FTSJ3: variants seen among roughly 807,000 people sequenced by gnomAD.
FTSJ3 encodes the protein pre-rRNA 2'-O-ribose RNA methyltransferase FTSJ3.
In FTSJ3, 46 loss-of-function variants were observed where a neutral mutation model predicts 111.5. That is an observed-to-expected ratio of 0.41 (90% CI 0.33 to 0.53). The LOEUF is 0.53. Among genes scored for constraint, FTSJ3 ranks in the 20% least tolerant of loss-of-function variants. The pLI is 0.19. For missense variants in FTSJ3, 1,075 were observed against 1,063.8 expected (o/e 1.01, Z -0.15); for synonymous variants, 408 against 383.0 (o/e 1.07, Z -0.76).
chr17:63,819,913 C>T lies in FTSJ3; in HGVS notation c.2433G>A (p.Val811=). Residue 811 remains valine (V), a synonymous_variant, in exon 21 of 21, where the codon GTG becomes GTA. Transcript: ENST00000427159. ...VVAKKGVGRK[V]RRPAGVRGHF... ...GACCTCTGACTCCAGCTGGCCGGCG[C>T]ACTTTGCGGCCCACACCTTTTTTGG... The T allele has an allele frequency of 6.2e-7, 1 of 1,614,168 alleles. No individual in the cohort carries two copies. The highest frequency in any genetic ancestry group is 8.5e-7 in the Non-Finnish European group (1 of 1,180,024).
chr17:63,821,618 T>G lies in FTSJ3; in HGVS notation c.1622A>C (p.Asp541Ala). The G allele has an allele frequency of 6.2e-7, 1 of 1,613,240 alleles. No homozygotes were observed. The highest frequency in any genetic ancestry group is 8.5e-7 in the Non-Finnish European group (1 of 1,179,218). Residue 541 changes from aspartate to alanine, a missense_variant, in exon 16 of 21, where the codon GAT (aspartate) becomes GCT (alanine). Asp to Ala is a moderately radical substitution (Grantham distance 126, BLOSUM62 -2). Coordinates refer to ENST00000427159, the MANE Select transcript of FTSJ3 (RefSeq NM_017647.4). ...ACTGATCTCCAGGGCCTCATCGGCA[T>G]CGTCCTCGATCCCAGCAAAGCTGCC... ...SKGSFAGIEDDADEALEISQA... is the reference protein window; with the variant it reads ...SKGSFAGIEDAADEALEISQA...
rs751496618 is a variant in FTSJ3, at chr17:63,819,954, C to T, written c.2392G>A (p.Val798Ile). ...KAGLGKEKRH[V>I]TYVVAKKGVG... Reference sequence around the variant, plus strand: ...CCTTTTTTGGCTACAACGTAGGTGACATGGCGTTTCTCCTTGCCAAGCCCA... The same window carrying T: ...CCTTTTTTGGCTACAACGTAGGTGATATGGCGTTTCTCCTTGCCAAGCCCA... Residue 798 changes from valine (V) to isoleucine (I), a missense_variant, in exon 21 of 21, where the codon GTC (valine) becomes ATC (isoleucine). Around this residue, in one of 2 missense-constraint regions of FTSJ3, gnomAD observed 867 missense variants for 796.9 expected, o/e 1.09. Transcript: ENST00000427159. 1 of 1,614,090 alleles carries T rather than the reference C, an allele frequency of 6.2e-7. No homozygotes were observed.
In FTSJ3 at chr17:63,823,839, AAGG is replaced by A; in HGVS notation, c.1265_1267del (p.Ser422del). On this transcript the variant is annotated inframe_deletion, in exon 13 of 21. Transcript: ENST00000427159. ...CACCTGGTGACCCCGGATGGTGCTCAAGGAGAACATGCCAGTCTCCCCCTCGTC... is the reference window on the plus strand; with the variant it reads ...CACCTGGTGACCCCGGATGGTGCTCAAGAACATGCCAGTCTCCCCCTCGTC... The A allele has an allele frequency of 6.2e-7, 1 of 1,614,060 alleles. No individual in the cohort carries two copies. Among genetic ancestry groups the A allele is most frequent in the Non-Finnish European group, 8.5e-7 (1 of 1,179,980 alleles).
Position 63,823,834 on chromosome 17 carries a change from T to C in FTSJ3, c.1273A>G (p.Thr425Ala), listed in dbSNP as rs922710640. The change falls in exon 13 of 21, where the codon ACC (threonine) becomes GCC (alanine). Residue 425 changes from threonine to alanine, a missense_variant. Physicochemically the swap from Thr to Ala is moderately conservative, Grantham distance 58. Coordinates refer to ENST00000427159, the MANE Select transcript of FTSJ3 (RefSeq NM_017647.4). ...EGETGMFSLS[T>A]IRGHQLLEEV... ...CGCCTCACCTGGTGACCCCGGATGG[T>C]GCTCAAGGAGAACATGCCAGTCTCC... is the stretch of plus-strand genomic sequence containing the variant. The C allele has an allele frequency of 2.5e-6, 4 of 1,613,890 alleles. No homozygotes were observed. The African/African-American group carries it at 4.0e-5, about 16-fold the overall frequency.
rs534866782 is a variant in FTSJ3, at chr17:63,819,472, G to C, written c.*330C>G. The C allele has an allele frequency of 2.3e-5, 6 of 259,360 alleles. No individual in the cohort carries two copies. The highest frequency in any genetic ancestry group is 8.7e-5 in the African/African-American group (4 of 45,784). The allele number at this position is 259,360 out of a possible 1,614,324, so 16.1% of individuals were successfully genotyped here. On this transcript the variant is annotated 3_prime_UTR_variant, in exon 21 of 21. Coordinates refer to ENST00000427159, the MANE Select transcript of FTSJ3 (RefSeq NM_017647.4). ...TTTTATTCAGGAATAGGATGGGGGT[G>C]GGGAGGGCTTAAGTGGCCCACACGT... is the stretch of plus-strand genomic sequence containing the variant.
rs766730778 is a variant in FTSJ3, at chr17:63,821,367, C to T, written c.1873G>A (p.Glu625Lys). Reference protein sequence around the residue: ...ISDSDSSTSSEEEESWEPLRG... With the variant: ...ISDSDSSTSSKEEESWEPLRG... ...GCAACTACTCACCTCTCTTCTTCCT[C>T]ACTGCTAGTACTGCTATCACTGTCT... Residue 625 changes from glutamate (E) to lysine (K), a missense_variant, in exon 16 of 21, where the codon GAG becomes AAG. Physicochemically the swap from Glu to Lys is moderately conservative, Grantham distance 56 (BLOSUM62 1). This residue lies in a region of FTSJ3 where 867 missense variants were observed against 796.9 expected (regional missense o/e 1.09). Transcript: ENST00000427159. 6.2e-7 allele frequency: 1 copy of T among 1,606,586 alleles called. No homozygotes were observed. The highest frequency in any genetic ancestry group is 8.5e-7 in the Non-Finnish European group (1 of 1,175,986).
Position 63,820,868 on chromosome 17 carries a change from C to G in FTSJ3, c.2043G>C (p.Lys681Asn). Residue 681 changes from lysine (K) to asparagine (N), a missense_variant, in exon 18 of 21, where the codon AAG becomes AAC. Transcript: ENST00000427159. The stretch of plus-strand genomic sequence containing the variant: ...TGAAGGAGTTATCTATGAGGTCTCT[C>G]TTGGCCTTTTTGGAAGAGGCAATAA... ...GAVIASSKKA[K>N]RDLIDNSFNR... The G allele has an allele frequency of 6.2e-7, 1 of 1,614,064 alleles. No individual in the cohort carries two copies. Among genetic ancestry groups the G allele is most frequent in the African/African-American group, 1.3e-5 (1 of 75,028 alleles).
In FTSJ3 at chr17:63,824,748, G is replaced by C; in HGVS notation, c.817-11C>G. The C allele has an allele frequency of 6.2e-7, 1 of 1,611,570 alleles. No individual in the cohort carries two copies. ...ATCATCTACCATGATCTGTTTGGGA[G>C]GATGGAAAGGTGTCAGGGGAGATCC... On this transcript the variant is annotated splice_polypyrimidine_tract_variant and intron_variant, in intron 9 of 20. Coordinates refer to ENST00000427159, the MANE Select transcript of FTSJ3 (RefSeq NM_017647.4).
rs1464014883 is a variant in FTSJ3 at position 63,821,473 on chromosome 17, A to G, written c.1767T>C (p.Asp589=). ...AAGCCTCTGTTCCCTTAGGGGCTTC[A>G]TCTTGGTACAGGGGAGACATTATCT... ...KTEIMSPLYQ[D]EAPKGTEASS... is the part of the protein sequence containing the mutation. The change falls in exon 16 of 21, where the codon GAT becomes GAC. Residue 589 remains aspartate, a synonymous_variant. Coordinates refer to ENST00000427159, the MANE Select transcript of FTSJ3 (RefSeq NM_017647.4). 3.1e-6 allele frequency: 5 copies of G among 1,614,078 alleles called. No homozygotes were observed. Among genetic ancestry groups the G allele is most frequent in the Admixed American group, 1.7e-5 (1 of 60,002 alleles).
Position 63,827,521 on chromosome 17 carries a change from C to G in FTSJ3, c.-496G>C, listed in dbSNP as rs868816249. On this transcript the variant is annotated 5_prime_UTR_variant, in exon 1 of 21. Coordinates refer to ENST00000427159, the MANE Select transcript of FTSJ3 (RefSeq NM_017647.4). ...GCTTGACGGACCAGAGCAGGTATGG[C>G]GGGTGCAGTGGCGGCCCGGCAGGTT... 21 of 1,551,546 alleles carry G rather than the reference C, an allele frequency of 1.4e-5. No individual in the cohort carries two copies. Among genetic ancestry groups the G allele is most frequent in the Non-Finnish European group, 1.7e-5 (19 of 1,147,002 alleles).
Position 63,824,880 on chromosome 17 carries a change from A to C in FTSJ3, c.761T>G (p.Val254Gly). The part of the protein sequence containing the change: ...GDLTLYHRTS[V>G]TDFLRAANPV... Reference sequence around the variant, plus strand: ...GTTGGCAGCTCGGAGGAAGTCAGTGACTGAGGTACGGTGATAGAGAGTGAG... The same window carrying C: ...GTTGGCAGCTCGGAGGAAGTCAGTGCCTGAGGTACGGTGATAGAGAGTGAG... The change falls in exon 9 of 21, where the codon GTC becomes GGC. Residue 254 changes from valine to glycine, a missense_variant. By Grantham distance (109) the Val-to-Gly change is moderately radical (BLOSUM62 -3). This residue lies in a region of FTSJ3 where 867 missense variants were observed against 796.9 expected (regional missense o/e 1.09). Transcript: ENST00000427159. 1 of 1,598,984 alleles carries C rather than the reference A, an allele frequency of 6.3e-7. No homozygotes were observed. The highest frequency in any genetic ancestry group is 8.5e-7 in the Non-Finnish European group (1 of 1,171,774).
In FTSJ3 at chr17:63,819,849, T is replaced by C; in HGVS notation, c.2497A>G (p.Arg833Gly). ...VVDSRMKKDQRAQQRKEQKKK... is the reference protein window; with the variant it reads ...VVDSRMKKDQGAQQRKEQKKK... Reference sequence around the variant, plus strand: ...TTTTGTTCCTTACGTTGCTGTGCTCTTTGGTCCTTCTTCATCCTTGAGTCC... The same window carrying C: ...TTTTGTTCCTTACGTTGCTGTGCTCCTTGGTCCTTCTTCATCCTTGAGTCC... Residue 833 changes from arginine to glycine, a missense_variant, in exon 21 of 21, where the codon AGA (arginine) becomes GGA (glycine). Arg to Gly is a moderately radical substitution (Grantham distance 125, BLOSUM62 -2). Coordinates refer to ENST00000427159, the MANE Select transcript of FTSJ3 (RefSeq NM_017647.4). 6.2e-7 allele frequency: 1 copy of C among 1,614,206 alleles called. No individual in the cohort carries two copies. Among genetic ancestry groups the C allele is most frequent in the Non-Finnish European group, 8.5e-7 (1 of 1,180,034 alleles).
In FTSJ3 at chr17:63,825,865, TC is replaced by T; in HGVS notation, c.300+190del. ...TAAAGATCTCTGCCCTTCTCCCAAT[TC>T]CAAACACCTTTATCCCTGACTCTAA... On this transcript the variant is annotated intron_variant, in intron 5 of 20. Transcript: ENST00000427159. 3.8e-5 allele frequency: 24 copies of T among 636,244 alleles called. No homozygotes were observed. In the South Asian group the frequency reaches 4.5e-4, roughly 12 times the overall value. 39.4% of individuals were successfully genotyped at this position (636,244 alleles called of 1,614,324 possible).
chr17:63,824,172 A>G lies in FTSJ3; in HGVS notation c.1066T>C (p.Ser356Pro), dbSNP rs146889707. 7.0e-4 allele frequency: 1,122 copies of G among 1,613,920 alleles called. No homozygotes were observed. Among genetic ancestry groups the G allele is most frequent in the Non-Finnish European group, 8.5e-4 (1,003 of 1,179,992 alleles). The change falls in exon 12 of 21, where the codon TCT becomes CCT. Residue 356 changes from serine (S) to proline (P), a missense_variant. This residue lies in a region of FTSJ3 where 867 missense variants were observed against 796.9 expected (regional missense o/e 1.09). Transcript: ENST00000427159. ...TCCTCCTCTTCCTCCTCCTCCTTAG[A>G]GGGCTGCTTTGTGGTTCCAGCTGTT... ...DSTAGTTKQP[S>P]KEEEEEEEEE...
At chr17:63,820,972 T>C in intron 17 of FTSJ3, 34 bp from the exon 18 acceptor site, 1 of 1,611,160 alleles carries the variant, frequency 6.2e-7, no homozygotes, top group Non-Finnish European at 8.5e-7. Flanking sequence ...AAAGCTCAAT[T>C]CCCAATACTG....
chr17:63,826,521 C>A (rs1413474140), intron 3 of FTSJ3, 46 bp downstream of exon 3: 1 of 1,501,078 alleles, frequency 6.7e-7, no homozygotes, highest in African/African-American at 1.4e-5. Context: ...CAGCTCAGAA[C>A]CCAGAAAGCG....
rs755267764 is a variant in FTSJ3 at position 63,827,522 on chromosome 17, G to T, written c.-497C>A. On this transcript the variant is annotated 5_prime_UTR_variant, in exon 1 of 21. Coordinates refer to ENST00000427159, the MANE Select transcript of FTSJ3 (RefSeq NM_017647.4). ...CTTGACGGACCAGAGCAGGTATGGC[G>T]GGTGCAGTGGCGGCCCGGCAGGTTA... 7 of 1,551,688 alleles carry T rather than the reference G, an allele frequency of 4.5e-6. No individual in the cohort carries two copies. In the South Asian group the frequency reaches 8.3e-5, roughly 18 times the overall value.
chr17:63,823,800 C>G lies in FTSJ3; in HGVS notation c.1290+17G>C. On this transcript the variant is annotated intron_variant, in intron 13 of 20. Coordinates refer to ENST00000427159, the MANE Select transcript of FTSJ3 (RefSeq NM_017647.4). ...ATCCTTCTGTCTCCTAAACCTGCAC[C>G]CCCAATGCCGCCTCACCTGGTGACC... 6.2e-7 allele frequency: 1 copy of G among 1,612,090 alleles called. No individual in the cohort carries two copies. The highest frequency in any genetic ancestry group is 8.5e-7 in the Non-Finnish European group (1 of 1,178,970).
chr17:63,823,768 C>G, intron 13 of FTSJ3, 49 bp downstream of exon 13: 2 of 1,595,422 alleles, frequency 1.3e-6, no homozygotes, highest in Non-Finnish European at 1.7e-6. Context: ...TCCAAACACC[C>G]AAACAGATCC....
Sources: allele counts gnomAD v4.1 joint callset, GRCh38; gene constraint gnomAD v4.1.1; regional missense constraint gnomAD v4.1.1; transcripts MANE v1.5; gene names NCBI Gene and HGNC (gene_info 2026-07-23, HGNC 2026-07-21).